The following TRAF3 variants were observed in gnomAD, a reference collection of about 807,000 sequenced individuals.
TRAF3 encodes TNF receptor associated factor 3, also known as TNF receptor-associated factor 3.
In TRAF3, 13 loss-of-function variants were observed where a neutral mutation model predicts 62.3. That is an observed-to-expected ratio of 0.21 (90% CI 0.14 to 0.33). TRAF3 has a LOEUF of 0.33. TRAF3 is among the 10% of genes least tolerant of loss of function. The pLI is 1.00. For missense variants in TRAF3, 440 were observed against 741.8 expected (o/e 0.59, Z 4.73); for synonymous variants, 269 against 283.4 (o/e 0.95, Z 0.51).
intron 1 of TRAF3, among the ~76,000 whole-genome samples, chr14:102,781,747 C>T (rs1165866493): frequency 6.6e-6 from 1 of 151,928 alleles, no homozygotes; most frequent in Non-Finnish European, 1.5e-5. Flanking sequence ...CTACCTCAGC[C>T]TCCCGAGTAG....
chr14:102,904,578 A>G (rs1890479930), intron 11 of TRAF3, among the ~76,000 whole-genome samples: 1 of 152,068 alleles, frequency 6.6e-6, no homozygotes, highest in African/African-American at 2.4e-5. Context: ...TGGGAGGCTG[A>G]GGTGGGCAGA....
chr14:102,795,598 A>ATGTGTGTGTGTGTGTGTGTGTGTG (rs58263343), intron 1 of TRAF3, among the ~76,000 whole-genome samples: 11 of 149,314 alleles, frequency 7.4e-5, no homozygotes, highest in African/African-American at 1.7e-4. Flanking sequence ...ATATGTATAT[A>ATGTGTGTGTGTGTGTGTGTGTGTG]TGTGTGTGTG....
chr14:102,800,989 A>G (rs1238529584), intron 1 of TRAF3, among the ~76,000 whole-genome samples: 1 of 147,100 alleles, frequency 6.8e-6, no homozygotes, highest in Non-Finnish European at 1.5e-5. Context: ...CCACGGTGAA[A>G]CCCCGTCTCT....
intron 2 of TRAF3, among the ~76,000 whole-genome samples, chr14:102,845,606 C>T (rs1177899976): frequency 1.3e-5 from 2 of 151,150 alleles, no homozygotes; most frequent in Non-Finnish European, 2.9e-5. Flanking sequence ...AGCTCTGCCT[C>T]GCAGGTTCAT....
Position 102,868,170 on chromosome 14 carries a change from T to C in TRAF3, c.-17-2015T>C, listed in dbSNP as rs150985698. ...AATTGGGTACAGGAACGCAGTGTAT[T>C]TTTGAGGGAGCTGGTGAGTTGTGAA... On this transcript the variant is annotated intron_variant, in intron 2 of 11. Coordinates refer to ENST00000392745, the MANE Select transcript of TRAF3 (RefSeq NM_145725.3). 2.8e-3 allele frequency among the ~76,000 whole-genome samples: 424 copies of C among 152,326 alleles called. 2 individuals are homozygous for C. The highest frequency in any genetic ancestry group is 9.8e-3 in the African/African-American group (409 of 41,572).
rs192615140 is a variant in TRAF3 at position 102,876,586 on chromosome 14, C to A, written c.570+61C>A. 1.5e-4 allele frequency: 231 copies of A among 1,586,792 alleles called. 3 individuals are homozygous for A. In the Admixed American group the frequency reaches 3.4e-3, roughly 24 times the overall value. Reference sequence around the variant, plus strand: ...ATTCCTATATGATACATTCCACAGGCCTTCCGCTCAATTCGTAGATAATCC... The same window carrying A: ...ATTCCTATATGATACATTCCACAGGACTTCCGCTCAATTCGTAGATAATCC... On this transcript the variant is annotated intron_variant, in intron 6 of 11. Coordinates refer to ENST00000392745, the MANE Select transcript of TRAF3 (RefSeq NM_145725.3).
chr14:102,820,186 G>A (rs1899806022), intron 1 of TRAF3, among the ~76,000 whole-genome samples: 1 of 152,160 alleles, frequency 6.6e-6, no homozygotes, highest in Non-Finnish European at 1.5e-5. Context: ...GCTGGCAGAA[G>A]GGGCACTGCA....
At chr14:102,844,191 A>G (rs1566770113) in intron 2 of TRAF3, among the ~76,000 whole-genome samples, 1 of 152,262 alleles carries the variant, frequency 6.6e-6, no homozygotes, top group Non-Finnish European at 1.5e-5. Context: ...TCTTGAGTAC[A>G]AGATTAAAAC....
intron 2 of TRAF3, among the ~76,000 whole-genome samples, chr14:102,833,993 G>A (rs1190549625): frequency 1.4e-4 from 2 of 14,480 alleles, no homozygotes; most frequent in African/African-American, 1.3e-3. Flanking sequence ...TGTCTCGGGG[G>A]GAAAAAAAAG....
intron 1 of TRAF3, among the ~76,000 whole-genome samples, chr14:102,806,598 T>A (rs1898786948): frequency 6.6e-6 from 1 of 152,336 alleles, no homozygotes; most frequent in East Asian, 1.9e-4. Context: ...CCTTGGTATG[T>A]GCCGGGCACC....
intron 2 of TRAF3, among the ~76,000 whole-genome samples, chr14:102,840,340 C>T (rs1468781791): frequency 6.6e-6 from 1 of 152,172 alleles, no homozygotes; most frequent in Non-Finnish European, 1.5e-5. Flanking sequence ...AAGTGATCCT[C>T]CAGCCTCAGC....
chr14:102,887,333 A>G (rs1049139494), intron 7 of TRAF3, among the ~76,000 whole-genome samples: 9 of 152,198 alleles, frequency 5.9e-5, no homozygotes, highest in Admixed American at 3.3e-4. Context: ...CCAGCCTCGC[A>G]TGCCCCTGAC....
chr14:102,880,902 A>G (rs1889012465), intron 6 of TRAF3, among the ~76,000 whole-genome samples: 1 of 151,910 alleles, frequency 6.6e-6, no homozygotes, highest in Non-Finnish European at 1.5e-5. Flanking sequence ...AAATGGAGAA[A>G]CCCCATCTCT....
intron 1 of TRAF3, among the ~76,000 whole-genome samples, chr14:102,779,261 AATTCC>A (rs1297704956): frequency 7.2e-6 from 1 of 138,718 alleles, no homozygotes; most frequent in Non-Finnish European, 1.5e-5. Context: ...GGCCAGGGAG[AATTCC>A]AGCTTTTTTT....
At chr14:102,828,769 A>G (rs1443007497) in intron 1 of TRAF3, among the ~76,000 whole-genome samples, 1 of 152,244 alleles carries the variant, frequency 6.6e-6, no homozygotes, top group Non-Finnish European at 1.5e-5. Flanking sequence ...GTCTTGACAA[A>G]TGCCCTATAT....
chr14:102,824,930 CAT>C (rs762394229), intron 1 of TRAF3, among the ~76,000 whole-genome samples: 29 of 152,340 alleles, frequency 1.9e-4, no homozygotes, highest in African/African-American at 5.1e-4. Context: ...CCAGGTGACT[CAT>C]GTGAATTGTG....
intron 1 of TRAF3, among the ~76,000 whole-genome samples, chr14:102,781,510 C>T (rs1365032890): frequency 6.6e-6 from 1 of 152,144 alleles, no homozygotes; most frequent in Non-Finnish European, 1.5e-5. Context: ...TGTTAAACAG[C>T]CCCTTCCTAG....
chr14:102,827,135 C>T (rs1397418035), intron 1 of TRAF3, among the ~76,000 whole-genome samples: 2 of 152,218 alleles, frequency 1.3e-5, no homozygotes, highest in South Asian at 2.1e-4. Context: ...CAGCTGAGTC[C>T]ACGTCCTTCA....
chr14:102,824,384 A>T (rs1900166814), intron 1 of TRAF3, among the ~76,000 whole-genome samples: 1 of 152,230 alleles, frequency 6.6e-6, no homozygotes, highest in Non-Finnish European at 1.5e-5. Context: ...GTAAATAAGT[A>T]TGTATCTAAG....
Sources: gnomAD v4.1 joint callset for allele counts (sites outside exome capture counted in the v4.1 genomes callset) on GRCh38, gnomAD v4.1.1 for gene constraint, MANE v1.5 for transcripts, NCBI Gene and HGNC (gene_info 2026-07-23, HGNC 2026-07-21) for gene names.